KCNH7: variants seen among roughly 807,000 people sequenced by gnomAD.
KCNH7 encodes potassium voltage-gated channel subfamily H member 7.
KCNH7 carries 49 observed loss-of-function variants against 120.8 expected under a neutral mutation model. The observed-to-expected ratio is 0.41, with a 90% CI of 0.32 to 0.51. KCNH7 has a LOEUF of 0.51. Among genes scored for constraint, KCNH7 ranks in the 20% least tolerant of loss-of-function variants. The pLI, the probability that KCNH7 is intolerant of heterozygous loss-of-function variation, is 0.38. For synonymous variants in KCNH7, 547 were observed against 516.1 expected (o/e 1.06, Z -0.81); for missense variants, 1,097 against 1,446.6 (o/e 0.76, Z 3.92).
intron 2 of KCNH7, among the ~76,000 whole-genome samples, chr2:162,755,587 C>A (rs1380824660): frequency 6.6e-6 from 1 of 152,158 alleles, no homozygotes; most frequent in Non-Finnish European, 1.5e-5. Context: ...TTGTGTGACA[C>A]TGTGTGATCG....
intron 2 of KCNH7, among the ~76,000 whole-genome samples, chr2:162,794,859 A>G (rs1684081147): frequency 6.6e-6 from 1 of 152,076 alleles, no homozygotes; most frequent in Admixed American, 6.6e-5. Context: ...CCTTATTAAT[A>G]TGCATAGAAA....
chr2:162,374,582 CA>C (rs1042464471), intron 14 of KCNH7, among the ~76,000 whole-genome samples: 20 of 151,252 alleles, frequency 1.3e-4, no homozygotes, highest in African/African-American at 4.1e-4. Context: ...GGAAATAAAA[CA>C]AAAAAAGGAA....
At chr2:162,493,304 A>G (rs570599282) in intron 6 of KCNH7, among the ~76,000 whole-genome samples, 25 of 152,312 alleles carry the variant, frequency 1.6e-4, no homozygotes, top group Non-Finnish European at 2.9e-4. Flanking sequence ...ATATAGAAAT[A>G]GAGCTCTAAT....
At chr2:162,801,125 C>T (rs371215991) in intron 2 of KCNH7, among the ~76,000 whole-genome samples, 36 of 151,560 alleles carry the variant, frequency 2.4e-4, no homozygotes, top group Middle Eastern at 6.8e-3. Flanking sequence ...TGATGTATTC[C>T]GAACTAATGC....
At chr2:162,773,017 C>T (rs1683110931) in intron 2 of KCNH7, among the ~76,000 whole-genome samples, 1 of 152,174 alleles carries the variant, frequency 6.6e-6, no homozygotes, top group African/African-American at 2.4e-5. Context: ...AAAGTTTCAC[C>T]TCAAATGATA....
chr2:162,617,834 ATCT>A (rs774221384), intron 2 of KCNH7, among the ~76,000 whole-genome samples: 3 of 152,102 alleles, frequency 2.0e-5, no homozygotes, highest in Admixed American at 6.5e-5. Flanking sequence ...AGGGGGAATA[ATCT>A]TCTGCCGTCA....
chr2:162,455,497 G>C (rs957318554), intron 6 of KCNH7, among the ~76,000 whole-genome samples: 11 of 152,152 alleles, frequency 7.2e-5, no homozygotes, highest in Non-Finnish European at 1.3e-4. Context: ...GTTTGGAATA[G>C]TTTCAGAAGG....
At chr2:162,405,005 A>C (rs886631312) in intron 9 of KCNH7, among the ~76,000 whole-genome samples, 27 of 152,184 alleles carry the variant, frequency 1.8e-4, no homozygotes, top group African/African-American at 6.3e-4. Flanking sequence ...ATGATTGTTC[A>C]AAGAAATTCT....
intron 6 of KCNH7, among the ~76,000 whole-genome samples, chr2:162,448,273 T>G (rs1282732815): frequency 6.6e-6 from 1 of 152,032 alleles, no homozygotes; most frequent in South Asian, 2.1e-4. Flanking sequence ...GACATTTTGG[T>G]CTGTACAAAA....
chr2:162,464,936 T>C (rs921649758), intron 6 of KCNH7, among the ~76,000 whole-genome samples: 6 of 152,124 alleles, frequency 3.9e-5, no homozygotes, highest in South Asian at 2.1e-4. Context: ...AGGCATATTA[T>C]AGGGTTGCCA....
At chr2:162,811,017 G>A (rs1007443225) in intron 2 of KCNH7, among the ~76,000 whole-genome samples, 2 of 152,018 alleles carry the variant, frequency 1.3e-5, no homozygotes, top group Non-Finnish European at 2.9e-5. Flanking sequence ...CATTTTAAAT[G>A]AATTCAATTT....
At chr2:162,580,766 G>C (rs1693839388) in intron 2 of KCNH7, among the ~76,000 whole-genome samples, 1 of 152,092 alleles carries the variant, frequency 6.6e-6, no homozygotes, top group Non-Finnish European at 1.5e-5. Context: ...CAGAGTCAGG[G>C]AGGTTGAGAA....
intron 2 of KCNH7, among the ~76,000 whole-genome samples, chr2:162,681,314 T>C (rs1685702527): frequency 6.6e-6 from 1 of 151,696 alleles, no homozygotes; most frequent in Non-Finnish European, 1.5e-5. Flanking sequence ...ACACAAACTA[T>C]TCCTGGGTGA....
intron 3 of KCNH7, among the ~76,000 whole-genome samples, chr2:162,533,735 C>T (rs2105819151): frequency 6.6e-6 from 1 of 151,722 alleles, no homozygotes; most frequent in African/African-American, 2.4e-5. Context: ...CAGTAGAAGA[C>T]TTTAATACAC....
chr2:162,627,076 T>A (rs12692653), intron 2 of KCNH7, among the ~76,000 whole-genome samples: 96,065 of 152,092 alleles, frequency 0.63, 31,815 homozygotes, highest in African/African-American at 0.83. Context: ...TAGGCTTTTC[T>A]GCCATGTGGA....
chr2:162,685,379 G>A (rs1574264475), intron 2 of KCNH7, among the ~76,000 whole-genome samples: 1 of 151,850 alleles, frequency 6.6e-6, no homozygotes, highest in African/African-American at 2.4e-5. Context: ...TACGTTCTGG[G>A]AACTTAGCAT....
intron 6 of KCNH7, among the ~76,000 whole-genome samples, chr2:162,497,841 T>C (rs981260456): frequency 1.4e-5 from 2 of 144,102 alleles, no homozygotes; most frequent in Non-Finnish European, 1.5e-5. Flanking sequence ...AAATGCTCAA[T>C]CAATGTCAGA....
chr2:162,479,596 A>G (rs1013054543), intron 6 of KCNH7, among the ~76,000 whole-genome samples: 8 of 152,092 alleles, frequency 5.3e-5, no homozygotes, highest in Non-Finnish European at 1.2e-4. Context: ...TGAAAAGGAA[A>G]CAATAAATGA....
At chr2:162,542,462 CA>C (rs199541022) in intron 2 of KCNH7, among the ~76,000 whole-genome samples, 12,153 of 137,794 alleles carry the variant, frequency 0.088, 573 homozygotes, top group East Asian at 0.11. Context: ...CATGTGTTCT[CA>C]CTGTTCAATT....
Sources: allele counts gnomAD v4.1 joint callset (sites outside exome capture counted in the v4.1 genomes callset), GRCh38; gene constraint gnomAD v4.1.1; transcripts MANE v1.5; gene names NCBI Gene and HGNC (gene_info 2026-07-23, HGNC 2026-07-21).